The following PPP3CA variants were observed in gnomAD, a reference collection of about 807,000 sequenced individuals.
PPP3CA encodes the protein CAM-PRP catalytic subunit.
A neutral mutation model predicts 66.5 loss-of-function variants in PPP3CA; 14 were observed. The ratio of observed to expected loss-of-function variants is 0.21; its 90% CI spans 0.14 to 0.33. The LOEUF (loss-of-function observed/expected upper bound fraction) is 0.33, where lower values mean the gene tolerates loss of function less well. Ranked by LOEUF, PPP3CA falls within the 10% of genes least tolerant of loss-of-function variation. The pLI is 1.00. For missense variants in PPP3CA, 317 were observed against 639.5 expected (o/e 0.50, Z 5.44); for synonymous variants, 232 against 226.2 (o/e 1.03, Z -0.23).
chr4:101,046,217 T>C (rs548535494), intron 10 of PPP3CA, among the ~76,000 whole-genome samples: 21 of 152,196 alleles, frequency 1.4e-4, no homozygotes, highest in Non-Finnish European at 2.5e-4. Flanking sequence ...AGATTCTTAT[T>C]AGTTTCAACA....
chr4:101,278,442 C>A (rs1258033043), intron 1 of PPP3CA, among the ~76,000 whole-genome samples: 1 of 152,140 alleles, frequency 6.6e-6, no homozygotes, highest in Non-Finnish European at 1.5e-5. Flanking sequence ...ACCTTCCCAG[C>A]TGCAGTGGCT....
chr4:101,240,232 G>A (rs995517241), intron 1 of PPP3CA, among the ~76,000 whole-genome samples: 3 of 151,870 alleles, frequency 2.0e-5, no homozygotes, highest in East Asian at 1.9e-4. Context: ...GGATCTTTTC[G>A]CCCTTTAAAA....
At chr4:101,061,206 T>A (rs764796653) in intron 9 of PPP3CA, 45 bp from the exon 10 acceptor site, 8 of 1,491,940 alleles carry the variant, frequency 5.4e-6, no homozygotes, top group Non-Finnish European at 6.5e-6. Flanking sequence ...TTTTCTGTTA[T>A]AACCTTAACT....
intron 6 of PPP3CA, among the ~76,000 whole-genome samples, chr4:101,084,397 T>C (rs1265993847): frequency 3.3e-5 from 5 of 151,994 alleles, no homozygotes; most frequent in East Asian, 1.9e-4. Flanking sequence ...TCCCAGCACT[T>C]TGGGAGGCAG....
chr4:101,312,008 A>C (rs1019732273), intron 1 of PPP3CA, among the ~76,000 whole-genome samples: 1 of 152,222 alleles, frequency 6.6e-6, no homozygotes, highest in Non-Finnish European at 1.5e-5. Context: ...TTAAAAACTA[A>C]ACTAATGATA....
rs564212231 is a variant in PPP3CA at position 101,276,044 on chromosome 4, C to T, written c.58+70695G>A. Among the ~76,000 whole-genome samples, 3 of 151,782 alleles carry T rather than the reference C, an allele frequency of 2.0e-5. No individual in the cohort carries two copies. In the East Asian group the frequency reaches 5.8e-4, roughly 29 times the overall value. On this transcript the variant is annotated intron_variant, in intron 1 of 13. Transcript: ENST00000394854. ...TGCGTAGCTGGGATTAAAGGTGCAC[C>T]ATCATGCCCAGCTAATTTTTCTAAT...
intron 1 of PPP3CA, among the ~76,000 whole-genome samples, chr4:101,197,995 T>C (rs1001866284): frequency 3.9e-5 from 6 of 152,220 alleles, no homozygotes; most frequent in Non-Finnish European, 7.3e-5. Flanking sequence ...TGAGAGATAT[T>C]TATTTCTCAC....
intron 13 of PPP3CA, among the ~76,000 whole-genome samples, chr4:101,028,455 C>T (rs920729887): frequency 6.6e-6 from 1 of 152,206 alleles, no homozygotes; most frequent in Non-Finnish European, 1.5e-5. Context: ...GCTCCTAGTA[C>T]AGTGCCTGGC....
chr4:101,269,237 C>T (rs1727258343), intron 1 of PPP3CA, among the ~76,000 whole-genome samples: 2 of 152,036 alleles, frequency 1.3e-5, no homozygotes, highest in Admixed American at 6.6e-5. Context: ...ACCATATACC[C>T]TTATGGAAGA....
intron 1 of PPP3CA, among the ~76,000 whole-genome samples, chr4:101,255,623 C>A (rs1726817039): frequency 6.6e-6 from 1 of 151,784 alleles, no homozygotes; most frequent in African/African-American, 2.4e-5. Flanking sequence ...TTATTGTCAA[C>A]CAAAAGTAAG....
Position 101,024,976 on chromosome 4 carries a change from TTA to T in PPP3CA, c.*887_*888del, listed in dbSNP as rs2110199677. On this transcript the variant is annotated 3_prime_UTR_variant, in exon 14 of 14. Coordinates refer to ENST00000394854, the MANE Select transcript of PPP3CA (RefSeq NM_000944.5). ...TTTTTTTTTACAGAATATAGATGCTTTATCACTGTACTTAATATGGTGTCTTG... is the reference window on the plus strand; with the variant it reads ...TTTTTTTTTACAGAATATAGATGCTTTCACTGTACTTAATATGGTGTCTTG... The T allele has an allele frequency of 6.6e-6, 1 of 152,334 alleles. No individual in the cohort carries two copies. The highest frequency in any genetic ancestry group is 1.5e-5 in the Non-Finnish European group (1 of 67,956). 9.4% of individuals were successfully genotyped at this position (152,334 alleles called of 1,614,324 possible). A position where few individuals can be genotyped will look rare whatever the true frequency, so the allele number is the denominator to read the frequency against.
chr4:101,169,814 T>C (rs1046557199), intron 2 of PPP3CA, among the ~76,000 whole-genome samples: 1 of 152,010 alleles, frequency 6.6e-6, no homozygotes, highest in African/African-American at 2.4e-5. Flanking sequence ...CTTCAAAAAA[T>C]GCTGACTCAG....
intron 1 of PPP3CA, among the ~76,000 whole-genome samples, chr4:101,248,037 G>A (rs900647631): frequency 6.6e-5 from 10 of 152,174 alleles, no homozygotes; most frequent in Admixed American, 2.0e-4. Flanking sequence ...AATGGTAACG[G>A]AAAGGAGCTT....
chr4:101,231,770 A>G (rs1725970446), intron 1 of PPP3CA, among the ~76,000 whole-genome samples: 1 of 151,770 alleles, frequency 6.6e-6, no homozygotes, highest in South Asian at 2.1e-4. Context: ...TAAATATCTC[A>G]CTTATTCTGA....
At chr4:101,292,498 A>T (rs1325603497) in intron 1 of PPP3CA, among the ~76,000 whole-genome samples, 1 of 152,188 alleles carries the variant, frequency 6.6e-6, no homozygotes, top group Non-Finnish European at 1.5e-5. Flanking sequence ...GGTCGAAATA[A>T]GTCCCACTTT....
chr4:101,314,569 C>CAAAAA (rs748980814), intron 1 of PPP3CA, among the ~76,000 whole-genome samples: 9 of 75,244 alleles, frequency 1.2e-4, no homozygotes, highest in African/African-American at 1.9e-4. Context: ...ATCTCAAAAC[C>CAAAAA]AAAAAAAAAA....
At chr4:101,059,576 C>G (rs1728372183) in intron 10 of PPP3CA, among the ~76,000 whole-genome samples, 1 of 152,066 alleles carries the variant, frequency 6.6e-6, no homozygotes, top group African/African-American at 2.4e-5. Context: ...TGCATTTATA[C>G]CCATGACCTG....
chr4:101,269,199 T>C (rs1727257105), intron 1 of PPP3CA, among the ~76,000 whole-genome samples: 1 of 152,132 alleles, frequency 6.6e-6, no homozygotes, highest in Admixed American at 6.6e-5. Flanking sequence ...CTTTAACTAC[T>C]CTTTATTTAC....
intron 1 of PPP3CA, among the ~76,000 whole-genome samples, chr4:101,322,931 TTGC>T (rs1166437251): frequency 6.6e-6 from 1 of 152,214 alleles, no homozygotes; most frequent in Non-Finnish European, 1.5e-5. Flanking sequence ...ATATTTACTG[TTGC>T]TGTTTTTTGC....
Sources: allele counts gnomAD v4.1 joint callset (sites outside exome capture counted in the v4.1 genomes callset), GRCh38; gene constraint gnomAD v4.1.1; transcripts MANE v1.5; gene names NCBI Gene and HGNC (gene_info 2026-07-23, HGNC 2026-07-21).